Variants in SORCS2 observed in about 807,000 individuals in gnomAD.
SORCS2 encodes sortilin related VPS10 domain containing receptor 2.
SORCS2 carries 100 observed loss-of-function variants against 141.6 expected under a neutral mutation model. The observed-to-expected ratio is 0.71, with a 90% CI of 0.60 to 0.83. The LOEUF is 0.83. Ranked by LOEUF, SORCS2 falls within the 40% of genes least tolerant of loss-of-function variation. The probability of loss-of-function intolerance (pLI) is 0.00; values close to 1 mark genes in which losing one functional copy is unlikely to be tolerated. For missense variants in SORCS2, 1,646 were observed against 1,560.2 expected (o/e 1.05, Z -0.93); for synonymous variants, 789 against 676.9 (o/e 1.17, Z -2.57).
chr4:7,486,100 C>T (rs1730963823), intron 2 of SORCS2, among the ~76,000 whole-genome samples: 1 of 152,182 alleles, frequency 6.6e-6, no homozygotes, highest in Non-Finnish European at 1.5e-5. Context: ...TGAAGCGTCC[C>T]TTTGTCTCTG....
At chr4:7,270,517 G>A (rs1042232408) in intron 1 of SORCS2, among the ~76,000 whole-genome samples, 4 of 152,314 alleles carry the variant, frequency 2.6e-5, no homozygotes, top group African/African-American at 7.2e-5. Flanking sequence ...ATCTGGCCCC[G>A]CAGCTACGGG....
intron 1 of SORCS2, among the ~76,000 whole-genome samples, chr4:7,257,024 T>A (rs1008928728): frequency 6.6e-6 from 1 of 152,108 alleles, no homozygotes; most frequent in African/African-American, 2.4e-5. Flanking sequence ...AGAAGCTCAA[T>A]AGGAACTTCT....
chr4:7,527,993 G>A (rs561299252), intron 2 of SORCS2, among the ~76,000 whole-genome samples: 1 of 151,878 alleles, frequency 6.6e-6, no homozygotes, highest in South Asian at 2.1e-4. Flanking sequence ...CGCTGCTCCC[G>A]GCTGCAGTGT....
At chr4:7,467,271 G>T (rs971128204) in intron 2 of SORCS2, among the ~76,000 whole-genome samples, 5 of 152,198 alleles carry the variant, frequency 3.3e-5, no homozygotes, top group African/African-American at 1.2e-4. Context: ...TGCTGCCTTT[G>T]TCCGTATCCA....
chr4:7,691,248 C>A (rs947465386), intron 11 of SORCS2, among the ~76,000 whole-genome samples: 1 of 152,230 alleles, frequency 6.6e-6, no homozygotes, highest in Non-Finnish European at 1.5e-5. Context: ...TTCACTATAT[C>A]GCAGCACCGA....
At chr4:7,677,617 C>T (rs1385685324) in intron 9 of SORCS2, among the ~76,000 whole-genome samples, 3 of 152,294 alleles carry the variant, frequency 2.0e-5, no homozygotes, top group South Asian at 4.1e-4. Flanking sequence ...GCCAGTAGAC[C>T]CTGGGCAGGC....
chr4:7,251,374 AT>A (rs1352234797), intron 1 of SORCS2, among the ~76,000 whole-genome samples: 1 of 152,214 alleles, frequency 6.6e-6, no homozygotes, highest in Non-Finnish European at 1.5e-5. Context: ...ACATACGAAT[AT>A]TCAAAACGTG....
At chr4:7,709,401 T>G (rs1257276637) in intron 14 of SORCS2, among the ~76,000 whole-genome samples, 1 of 152,204 alleles carries the variant, frequency 6.6e-6, no homozygotes, top group Non-Finnish European at 1.5e-5. Context: ...TGACCCAGCC[T>G]TCATCCCCCA....
chr4:7,413,916 G>A (rs2109163324), intron 2 of SORCS2, among the ~76,000 whole-genome samples: 1 of 152,212 alleles, frequency 6.6e-6, no homozygotes, highest in South Asian at 2.1e-4. Flanking sequence ...TCGGATTGCA[G>A]GGTGCTGGGA....
At chr4:7,349,028 A>C (rs921017606) in intron 1 of SORCS2, among the ~76,000 whole-genome samples, 2 of 152,190 alleles carry the variant, frequency 1.3e-5, no homozygotes, top group Non-Finnish European at 2.9e-5. Context: ...CCATACACTT[A>C]TTTGACATTG....
chr4:7,498,425 A>T (rs1731763139), intron 2 of SORCS2, among the ~76,000 whole-genome samples: 1 of 152,216 alleles, frequency 6.6e-6, no homozygotes, highest in South Asian at 2.1e-4. Context: ...TACAGGCAAG[A>T]CGCCAGCAGC....
At chr4:7,511,958 C>T (rs551453180) in intron 2 of SORCS2, among the ~76,000 whole-genome samples, 14 of 152,340 alleles carry the variant, frequency 9.2e-5, no homozygotes, top group African/African-American at 2.2e-4. Flanking sequence ...GAGGGGCACG[C>T]GCTGCTGTGG....
intron 24 of SORCS2, 119 bp downstream of exon 24, chr4:7,733,540 G>A (rs982442404): frequency 2.6e-5 from 21 of 806,752 alleles, no homozygotes; most frequent in East Asian, 1.7e-4. Context: ...GTGGGTGTTC[G>A]CCTCTGATGG....
chr4:7,411,322 T>C (rs1725294041), intron 2 of SORCS2, among the ~76,000 whole-genome samples: 2 of 152,052 alleles, frequency 1.3e-5, no homozygotes, highest in African/African-American at 4.8e-5. Flanking sequence ...CCTCTGTCAC[T>C]GCTTCTAGCT....
chr4:7,527,272 G>T (rs1047752885), intron 2 of SORCS2, among the ~76,000 whole-genome samples: 4 of 152,250 alleles, frequency 2.6e-5, no homozygotes, highest in African/African-American at 9.6e-5. Flanking sequence ...CGGAAACTGT[G>T]ACTATGCTAC....
rs753857668 is a variant in SORCS2, at chr4:7,667,113, C to T, written c.1072-11C>T. On this transcript the variant is annotated splice_polypyrimidine_tract_variant and intron_variant, in intron 7 of 26. Transcript: ENST00000507866. ...CAAGCCTCTCAAAAATGTGTTTCTT[C>T]CCCCGGTTAGGCAACATCAGCAAAC... 29 of 1,608,632 alleles carry T rather than the reference C, an allele frequency of 1.8e-5. No individual in the cohort carries two copies. The highest frequency in any genetic ancestry group is 2.4e-5 in the Non-Finnish European group (28 of 1,175,396).
chr4:7,571,129 G>A (rs752995361), intron 3 of SORCS2, among the ~76,000 whole-genome samples: 2 of 152,238 alleles, frequency 1.3e-5, no homozygotes, highest in Non-Finnish European at 2.9e-5. Flanking sequence ...TCTCATGCTG[G>A]TGTTTGTTCA....
chr4:7,468,072 C>T (rs758707919), intron 2 of SORCS2, among the ~76,000 whole-genome samples: 5 of 152,204 alleles, frequency 3.3e-5, no homozygotes, highest in South Asian at 4.1e-4. Context: ...CCCCAGCTCC[C>T]GCATCTGTTT....
Position 7,418,518 on chromosome 4 carries a change from G to A in SORCS2, c.548+22163G>A, listed in dbSNP as rs1004754706. On this transcript the variant is annotated intron_variant, in intron 2 of 26. Transcript: ENST00000507866. The stretch of plus-strand genomic sequence containing the variant: ...AAGCGCGAGGTGGAGTTGGCAGGGC[G>A]CAGGACTGTGGGGGTCACAGAGATC... 4.6e-5 allele frequency among the ~76,000 whole-genome samples: 7 copies of A among 152,210 alleles called. No individual in the cohort carries two copies. In the East Asian group the frequency reaches 7.7e-4, roughly 17 times the overall value.
Sources: allele counts gnomAD v4.1 joint callset (sites outside exome capture counted in the v4.1 genomes callset), GRCh38; gene constraint gnomAD v4.1.1; transcripts MANE v1.5; gene names NCBI Gene and HGNC (gene_info 2026-07-23, HGNC 2026-07-21).